NTRK2: variants seen among roughly 807,000 people sequenced by gnomAD.
The protein encoded by NTRK2 is BDNF/NT-3 growth factors receptor.
In NTRK2, 13 loss-of-function variants were observed where a neutral mutation model predicts 94.5. The observed-to-expected ratio is 0.14, with a 90% CI of 0.09 to 0.22. NTRK2 has a LOEUF of 0.22. NTRK2 is among the 10% of genes least tolerant of loss of function. The pLI is 1.00. For missense variants in NTRK2, 639 were observed against 1,071.2 expected, an observed-to-expected ratio of 0.60 and a Z score of 5.63; for synonymous variants, 372 against 407.4, an observed-to-expected ratio of 0.91 and a Z score of 1.05.
At chr9:84,688,809 C>G (rs1007202409) in intron 2 of NTRK2, among the ~76,000 whole-genome samples, 2 of 152,146 alleles carry the variant, frequency 1.3e-5, no homozygotes, top group African/African-American at 4.8e-5. Context: ...TGAAAAATTA[C>G]TGAATATGTC....
chr9:84,705,215 A>G (rs2060971955), intron 4 of NTRK2, among the ~76,000 whole-genome samples: 1 of 151,778 alleles, frequency 6.6e-6, no homozygotes, highest in African/African-American at 2.4e-5. Context: ...TACCCTGTCC[A>G]TGTGAGCATC....
intron 17 of NTRK2, among the ~76,000 whole-genome samples, chr9:85,001,734 G>A (rs1041184304): frequency 9.2e-5 from 14 of 152,248 alleles, no homozygotes; most frequent in African/African-American, 3.1e-4. Context: ...AAGGATCTAA[G>A]GTAGTGGGCC....
chr9:84,712,603 C>G (rs866256566), intron 6 of NTRK2, among the ~76,000 whole-genome samples: 2 of 152,110 alleles, frequency 1.3e-5, no homozygotes, highest in Non-Finnish European at 2.9e-5. Context: ...ACTTATTTTT[C>G]CTATCGTTTT....
intron 4 of NTRK2, among the ~76,000 whole-genome samples, chr9:84,705,563 G>GT (rs1221032637): frequency 1.3e-5 from 2 of 152,144 alleles, no homozygotes; most frequent in Non-Finnish European, 2.9e-5. Flanking sequence ...CGGGGCGGCG[G>GT]TTTTACCAGC....
rs749308974 is a variant in NTRK2, at chr9:84,710,629, C to G, written c.429-8C>G. The G allele has an allele frequency of 1.2e-6, 2 of 1,614,040 alleles. No homozygotes were observed. Among genetic ancestry groups the G allele is most frequent in the East Asian group, 2.2e-5 (1 of 44,872 alleles). On this transcript the variant is annotated splice_region_variant and splice_polypyrimidine_tract_variant and intron_variant, in intron 5 of 18. Transcript: ENST00000277120. ...AACTTGATCTGTTGTCATTTTTGTT[C>G]CCTGTAGGATCCTGGTGGGCAATCC...
At chr9:85,007,331 A>T (rs1163874546) in intron 17 of NTRK2, among the ~76,000 whole-genome samples, 3 of 152,218 alleles carry the variant, frequency 2.0e-5, no homozygotes, top group Non-Finnish European at 1.5e-5. Context: ...GAGAGGGAAG[A>T]TCAAAATGTA....
intron 10 of NTRK2, among the ~76,000 whole-genome samples, chr9:84,742,292 A>G (rs1427254857): frequency 1.3e-5 from 2 of 152,160 alleles, no homozygotes; most frequent in East Asian, 3.9e-4. Flanking sequence ...ATTCAAAATG[A>G]TGTTTCTTGT....
intron 14 of NTRK2, among the ~76,000 whole-genome samples, chr9:84,899,527 T>C (rs535107933): frequency 6.6e-6 from 1 of 152,330 alleles, no homozygotes; most frequent in African/African-American, 2.4e-5. Context: ...CTTCCCAGTC[T>C]GGTGTTCCCA....
intron 12 of NTRK2, among the ~76,000 whole-genome samples, chr9:84,753,896 A>C (rs976264844): frequency 6.6e-6 from 1 of 152,196 alleles, no homozygotes; most frequent in Non-Finnish European, 1.5e-5. Flanking sequence ...GCTAAGTGGG[A>C]ATCCATGGAG....
intron 4 of NTRK2, among the ~76,000 whole-genome samples, chr9:84,707,268 T>C (rs1168219144): frequency 2.0e-5 from 3 of 152,230 alleles, no homozygotes; most frequent in Non-Finnish European, 4.4e-5. Flanking sequence ...ACATATTCCT[T>C]GTTACCTAAT....
intron 12 of NTRK2, among the ~76,000 whole-genome samples, chr9:84,794,111 T>G (rs951791102): frequency 6.6e-6 from 1 of 152,212 alleles, no homozygotes; most frequent in Non-Finnish European, 1.5e-5. Flanking sequence ...GGTGTTGACG[T>G]GTATATCTGC....
chr9:84,682,649 C>G (rs900666427), intron 2 of NTRK2, among the ~76,000 whole-genome samples: 19 of 152,164 alleles, frequency 1.2e-4, no homozygotes, highest in Admixed American at 1.2e-3. Flanking sequence ...TCTAAAATCC[C>G]TCAGCTCCCC....
chr9:84,834,851 C>G (rs2073778688), intron 12 of NTRK2, among the ~76,000 whole-genome samples: 1 of 152,120 alleles, frequency 6.6e-6, no homozygotes, highest in African/African-American at 2.4e-5. Context: ...TTTTGAAATT[C>G]TTAATATTTT....
At chr9:85,010,551 C>T (rs988863961) in intron 17 of NTRK2, among the ~76,000 whole-genome samples, 2 of 152,176 alleles carry the variant, frequency 1.3e-5, no homozygotes, top group African/African-American at 4.8e-5. Flanking sequence ...AACACAATAA[C>T]CTCACACCAG....
At position 84,861,021 on chromosome 9, in the gene NTRK2, G is replaced by C. The variant is rs1316049927; in HGVS notation, c.1397-19G>C. On this transcript the variant is annotated intron_variant, in intron 12 of 18. Transcript: ENST00000277120. ...ACTTCTCTTTCGAAGTTTATTTTAT[G>C]TTTTGTTGTGGTTTTCAGATTTCTC... The C allele has an allele frequency of 6.2e-7, 1 of 1,611,704 alleles. No homozygotes were observed. The highest frequency in any genetic ancestry group is 1.1e-5 in the South Asian group (1 of 90,952).
intron 2 of NTRK2, among the ~76,000 whole-genome samples, chr9:84,689,590 T>C (rs1160127331): frequency 1.3e-5 from 2 of 152,200 alleles, no homozygotes; most frequent in African/African-American, 2.4e-5. Context: ...ATAGACATCT[T>C]ATCCTTTTTT....
chr9:84,933,075 T>C (rs566101947), intron 14 of NTRK2, among the ~76,000 whole-genome samples: 53 of 152,304 alleles, frequency 3.5e-4, no homozygotes, highest in Non-Finnish European at 6.9e-4. Flanking sequence ...GATTATGTCA[T>C]GGGATTGTGA....
chr9:84,949,190 A>G (rs1271683524), intron 16 of NTRK2, among the ~76,000 whole-genome samples: 4 of 152,234 alleles, frequency 2.6e-5, no homozygotes, highest in Admixed American at 6.5e-5. Context: ...GAGGATCTAC[A>G]GTGGAAAGAT....
rs531303006 is a variant in NTRK2 at position 84,907,078 on chromosome 9, C to A, written c.1634-27084C>A. Among the ~76,000 whole-genome samples the A allele has an allele frequency of 6.6e-5, 10 of 152,234 alleles. No homozygotes were observed. In the South Asian group the frequency reaches 2.1e-3, roughly 32 times the overall value. ...GGCAGTTATGGAGTAAATGTGGAAT[C>A]AATATTTCTTGGATTGAAACATGGA... On this transcript the variant is annotated intron_variant, in intron 14 of 18. Transcript: ENST00000277120.
Sources: gnomAD v4.1 joint callset for allele counts (sites outside exome capture counted in the v4.1 genomes callset) on GRCh38, gnomAD v4.1.1 for gene constraint, MANE v1.5 for transcripts, NCBI Gene and HGNC (gene_info 2026-07-23, HGNC 2026-07-21) for gene names.